Variants in USP42 observed in about 807,000 individuals in gnomAD.
USP42 encodes the protein ubiquitin specific peptidase 42, also known as ubiquitin carboxyl-terminal hydrolase 42.
In USP42, 23 loss-of-function variants were observed where a neutral mutation model predicts 113.0. The ratio of observed to expected loss-of-function variants is 0.20; its 90% CI spans 0.15 to 0.29. The LOEUF (loss-of-function observed/expected upper bound fraction) is 0.29, where lower values mean the gene tolerates loss of function less well. Among genes scored for constraint, USP42 ranks in the 10% least tolerant of loss-of-function variants. USP42 has a pLI of 1.00. For synonymous variants in USP42, 933 were observed against 699.0 expected, an observed-to-expected ratio of 1.33 and a Z score of -5.28; for missense variants, 2,174 against 1,779.8, an observed-to-expected ratio of 1.22 and a Z score of -3.99.
At chr7:6,121,218 C>G (rs1319117708) in intron 3 of USP42, among the ~76,000 whole-genome samples, 3 of 152,074 alleles carry the variant, frequency 2.0e-5, no homozygotes, top group South Asian at 2.1e-4. Flanking sequence ...ATCCATGTCT[C>G]TTTCTCAGCC....
Position 6,140,984 on chromosome 7 carries a change from G to T in USP42, c.795G>T (p.Lys265Asn). 1.3e-6 allele frequency: 2 copies of T among 1,481,624 alleles called. No homozygotes were observed. The highest frequency in any genetic ancestry group is 2.6e-5 in the South Asian group (2 of 77,868). The allele number at this position is 1,481,624 out of a possible 1,614,324, so 91.8% of individuals were successfully genotyped here. ...ATCTTGATATAACATTGGAGATAAA[G>T]GTAAATTTCATAATTATGGGAGTAA... is the stretch of plus-strand genomic sequence containing the variant. ...DPYLDITLEIKAAQSVNKALE... is the reference protein window; with the variant it reads ...DPYLDITLEINAAQSVNKALE... Residue 265 changes from lysine (K) to asparagine (N), a missense_variant and splice_region_variant, in exon 7 of 18, where the codon AAG becomes AAT. Physicochemically the swap from Lys to Asn is moderately conservative, Grantham distance 94. Coordinates refer to ENST00000306177, the MANE Select transcript of USP42 (RefSeq NM_032172.3).
At chr7:6,112,921 T>G (rs1296373994) in intron 2 of USP42, among the ~76,000 whole-genome samples, 8 of 142,424 alleles carry the variant, frequency 5.6e-5, no homozygotes, top group East Asian at 2.4e-4. Context: ...TTTTTTTTTT[T>G]GAGACAGAGT....
At chr7:6,135,757 T>C (rs575332216) in intron 3 of USP42, 84 bp from the exon 4 acceptor site, 1 of 569,406 alleles carries the variant, frequency 1.8e-6, no homozygotes, top group African/African-American at 2.0e-5. Context: ...TCATTTCAGG[T>C]GTGTGCCCCT....
At chr7:6,095,486 A>T in the USP42 span, among the ~76,000 whole-genome samples, 1 of 150,992 alleles carries the variant, frequency 6.6e-6, no homozygotes, top group Non-Finnish European at 1.5e-5. Context: ...TCGCCAACAT[A>T]GTGAAACCCC....
At position 6,155,097 on chromosome 7, in the gene USP42, C is replaced by T. The variant is rs759763185; in HGVS notation, c.3543C>T (p.Ser1181=). The part of the protein sequence containing the change: ...DSHVEKKARR[S]EQKDPLEEPK... ...ATGTTGAAAAGAAAGCCCGGAGGAG[C>T]GAACAGAAGGATCCTCTAGAAGAGC... Residue 1181 remains serine, a synonymous_variant, in exon 15 of 18, where the codon AGC becomes AGT. Coordinates refer to ENST00000306177, the MANE Select transcript of USP42 (RefSeq NM_032172.3). 27 of 1,560,260 alleles carry T rather than the reference C, an allele frequency of 1.7e-5. No homozygotes were observed. In the African/African-American group the frequency reaches 2.2e-4, roughly 13 times the overall value.
the USP42 span, among the ~76,000 whole-genome samples, chr7:6,092,035 C>CTTCTT: frequency 1.2e-4 from 12 of 98,300 alleles, 2 homozygotes; most frequent in African/African-American, 4.9e-4. Context: ...TCTTCTTCTT[C>CTTCTT]TTCTTCTTCT....
the USP42 span, among the ~76,000 whole-genome samples, chr7:6,088,254 T>G: frequency 1.3e-5 from 2 of 151,024 alleles, no homozygotes; most frequent in Non-Finnish European, 2.9e-5. Flanking sequence ...CTACTCACAT[T>G]ACTTTTTTTT....
the USP42 span, among the ~76,000 whole-genome samples, chr7:6,084,083 G>C: frequency 9.0e-4 from 137 of 151,454 alleles, 1 homozygote; most frequent in Non-Finnish European, 1.5e-3. Flanking sequence ...CTGGAGTGCA[G>C]TGGCTCAATC....
At position 6,154,367 on chromosome 7, in the gene USP42, C is replaced by A. The variant is rs768433235; in HGVS notation, c.2813C>A (p.Ala938Glu). 2 of 1,575,484 alleles carry A rather than the reference C, an allele frequency of 1.3e-6. No homozygotes were observed. Among genetic ancestry groups the A allele is most frequent in the African/African-American group, 1.4e-5 (1 of 73,976 alleles). ...AAPKAPGPSP[A>E]KEKIGSLRKV... ...CCGAAAGCCCCAGGCCCTTCCCCAG[C>A]GAAGGAGAAAATCGGCAGCCTCAGA... Residue 938 changes from alanine to glutamate, a missense_variant, in exon 15 of 18, where the codon GCG becomes GAG. Ala to Glu is a moderately radical substitution (Grantham distance 107). Transcript: ENST00000306177.
the USP42 span, among the ~76,000 whole-genome samples, chr7:6,085,620 A>ATTTT: frequency 1.0e-4 from 14 of 140,122 alleles, 1 homozygote; most frequent in African/African-American, 3.0e-4. Context: ...ATATATATAT[A>ATTTT]TATATTTTTT....
At chr7:6,103,909 AAAAC>A (rs1244505532), upstream of USP42, among the ~76,000 whole-genome samples, 17 of 151,096 alleles carry the variant, frequency 1.1e-4, no homozygotes, top group African/African-American at 3.2e-4. Context: ...CTCCACACCA[AAAAC>A]AAACAAACAA....
In USP42 at chr7:6,148,391, A is replaced by T. The variant is rs149516361; in HGVS notation, c.1386+499A>T. Among the ~76,000 whole-genome samples, 848 of 152,302 alleles carry T rather than the reference A, an allele frequency of 5.6e-3. 16 individuals carry two copies. Among genetic ancestry groups the T allele is most frequent in the African/African-American group, 0.019 (790 of 41,578 alleles). ...CCAAAATATACAGCAAACCTCACCA[A>T]TGGGGAGGAAAGAGGAAAGCCTGGG... On this transcript the variant is annotated intron_variant, in intron 12 of 17. Transcript: ENST00000306177.
the USP42 span, chr7:6,085,233 C>T: frequency 6.6e-6 from 1 of 150,886 alleles, no homozygotes; most frequent in Non-Finnish European, 1.5e-5. Context: ...GATTCTCCTG[C>T]CTTAGCCTCC....
the USP42 span, among the ~76,000 whole-genome samples, chr7:6,084,846 G>A: frequency 6.7e-6 from 1 of 150,104 alleles, no homozygotes; most frequent in Non-Finnish European, 1.5e-5. Context: ...AGCCTTCTGA[G>A]TATCTGGAAC....
At chr7:6,119,694 G>T (rs533672842) in intron 3 of USP42, among the ~76,000 whole-genome samples, 30 of 151,762 alleles carry the variant, frequency 2.0e-4, no homozygotes, top group East Asian at 7.8e-4. Context: ...CTTGTTTTTT[G>T]TTGTTGTTGT....
upstream of USP42, among the ~76,000 whole-genome samples, chr7:6,103,949 T>C (rs1210560745): frequency 5.3e-5 from 8 of 150,670 alleles, 1 homozygote; most frequent in African/African-American, 1.7e-4. Context: ...GTGGGCGTGG[T>C]AGCGCGCGTC....
rs540687075 is a variant in USP42 at position 6,155,988 on chromosome 7, C to G, written c.3642-766C>G. On this transcript the variant is annotated intron_variant, in intron 15 of 17. Coordinates refer to ENST00000306177, the MANE Select transcript of USP42 (RefSeq NM_032172.3). ...CGCACGCTGTTCTCAAACCCCTAGA[C>G]TCAAGCGATCCCAAAGCACTGGGAT... is the stretch of plus-strand genomic sequence containing the variant. Among the ~76,000 whole-genome samples the G allele has an allele frequency of 3.9e-4, 59 of 152,302 alleles. 2 individuals carry two copies. Among genetic ancestry groups the G allele is most frequent in the Admixed American group, 1.8e-3 (28 of 15,294 alleles).
upstream of USP42, among the ~76,000 whole-genome samples, chr7:6,103,488 G>A (rs1790198427): frequency 6.7e-6 from 1 of 148,772 alleles, no homozygotes; most frequent in Non-Finnish European, 1.5e-5. Flanking sequence ...TTGCACTCCA[G>A]CCTGGGCCAT....
Position 6,154,544 on chromosome 7 carries a change from A to C in USP42, c.2990A>C (p.Glu997Ala). 1.9e-6 allele frequency: 3 copies of C among 1,546,672 alleles called. No homozygotes were observed. Among genetic ancestry groups the C allele is most frequent in the Non-Finnish European group, 2.6e-6 (3 of 1,147,152 alleles). ...ERDRQDRHAP[E>A]HHPGHGDRLS... ...GACCGCCAGGACCGCCACGCCCCGG[A>C]GCACCACCCCGGCCACGGCGACAGG... The change falls in exon 15 of 18, where the codon GAG becomes GCG. Residue 997 changes from glutamate (E) to alanine (A), a missense_variant. Coordinates refer to ENST00000306177, the MANE Select transcript of USP42 (RefSeq NM_032172.3).
Sources: gnomAD v4.1 joint callset for allele counts (sites outside exome capture counted in the v4.1 genomes callset) on GRCh38, gnomAD v4.1.1 for gene constraint, MANE v1.5 for transcripts, NCBI Gene and HGNC (gene_info 2026-07-23, HGNC 2026-07-21) for gene names.